The following LARGE1 variants were observed in gnomAD, a reference collection of about 807,000 sequenced individuals.
The protein encoded by LARGE1 is xylosyl- and glucuronyltransferase LARGE1.
A neutral mutation model predicts 87.6 loss-of-function variants in LARGE1; 43 were observed. The ratio of observed to expected loss-of-function variants is 0.49; its 90% confidence interval spans 0.38 to 0.63. The LOEUF (loss-of-function observed/expected upper bound fraction) is 0.63. Among genes scored for constraint, LARGE1 ranks in the 30% least tolerant of loss-of-function variants. The pLI, the probability that LARGE1 is intolerant of heterozygous loss-of-function variation, is 0.00. For missense variants in LARGE1, 802 were observed against 1,000.2 expected (o/e 0.80, Z 2.67); for synonymous variants, 434 against 394.6 (o/e 1.10, Z -1.18).
At chr22:33,375,424 G>T (rs2064959372) in intron 9 of LARGE1, among the ~76,000 whole-genome samples, 1 of 152,158 alleles carries the variant, frequency 6.6e-6, no homozygotes, top group Non-Finnish European at 1.5e-5. Flanking sequence ...CAGGTGGGCA[G>T]ACCCCTTGAG....
chr22:33,535,535 C>T (rs117900967), intron 6 of LARGE1, among the ~76,000 whole-genome samples: 1,697 of 149,452 alleles, frequency 0.011, 19 homozygotes, highest in Middle Eastern at 0.027. Context: ...GAGAGTAAAA[C>T]TCCAAAAACA....
At chr22:33,794,776 C>A (rs1170200081) in intron 1 of LARGE1, among the ~76,000 whole-genome samples, 2 of 152,124 alleles carry the variant, frequency 1.3e-5, no homozygotes, top group Non-Finnish European at 2.9e-5. Context: ...CGTGCCACCA[C>A]ACCCAGCTGA....
intron 11 of LARGE1, among the ~76,000 whole-genome samples, chr22:33,206,936 T>C (rs1466171789): frequency 6.6e-6 from 1 of 152,194 alleles, no homozygotes; most frequent in Non-Finnish European, 1.5e-5. Context: ...CAGTTTAAAA[T>C]TTTATTTTTA....
intron 10 of LARGE1, among the ~76,000 whole-genome samples, chr22:33,321,260 A>T (rs1268257457): frequency 1.3e-5 from 2 of 152,250 alleles, no homozygotes; most frequent in African/African-American, 4.8e-5. Flanking sequence ...ACCTATGTGG[A>T]TACTTTTTGT....
At chr22:33,121,426 A>G in the LARGE1 span, among the ~76,000 whole-genome samples, 4 of 152,356 alleles carry the variant, frequency 2.6e-5, no homozygotes, top group East Asian at 3.9e-4. Context: ...TTCTGTCCCA[A>G]TTCAAAGGCT....
At chr22:33,476,275 T>C (rs5998957) in intron 6 of LARGE1, among the ~76,000 whole-genome samples, 5,791 of 152,274 alleles carry the variant, frequency 0.038, 270 homozygotes, top group African/African-American at 0.11. Flanking sequence ...TGCAGATTCA[T>C]TGAGCCAGAC....
At chr22:33,918,155 AACCTT>A (rs2065841808) in intron 1 of LARGE1, among the ~76,000 whole-genome samples, 1 of 152,180 alleles carries the variant, frequency 6.6e-6, no homozygotes, top group Non-Finnish European at 1.5e-5. Context: ...AGATGAAAAA[AACCTT>A]TCATTTCATT....
intron 6 of LARGE1, among the ~76,000 whole-genome samples, chr22:33,518,053 G>A (rs2071396903): frequency 6.6e-6 from 1 of 152,200 alleles, no homozygotes; most frequent in African/African-American, 2.4e-5. Flanking sequence ...TCAAGGCAAT[G>A]GGAACCAGGA....
At chr22:33,702,224 T>C (rs889667189) in intron 2 of LARGE1, among the ~76,000 whole-genome samples, 2 of 152,174 alleles carry the variant, frequency 1.3e-5, no homozygotes, top group Non-Finnish European at 2.9e-5. Context: ...TGCAGACACA[T>C]AGTAGGCATT....
intron 5 of LARGE1, among the ~76,000 whole-genome samples, chr22:33,568,427 T>C (rs1268353623): frequency 1.3e-5 from 2 of 152,096 alleles, no homozygotes; most frequent in Non-Finnish European, 2.9e-5. Context: ...AACCGAGTCA[T>C]ACAGTTAACA....
chr22:33,878,980 CTT>C (rs761408359), intron 1 of LARGE1, among the ~76,000 whole-genome samples: 351 of 145,844 alleles, frequency 2.4e-3, no homozygotes, highest in Middle Eastern at 3.5e-3. Context: ...TCTTCTTCTT[CTT>C]CCTTTTTTTT....
At chr22:33,765,694 A>C (rs1403095206) in intron 1 of LARGE1, among the ~76,000 whole-genome samples, 1 of 139,846 alleles carries the variant, frequency 7.2e-6, no homozygotes, top group Non-Finnish European at 1.5e-5. Flanking sequence ...AACAAGAGCA[A>C]AACTCCATCT....
chr22:33,631,118 G>A (rs2080096726), intron 3 of LARGE1, among the ~76,000 whole-genome samples: 1 of 151,912 alleles, frequency 6.6e-6, no homozygotes, highest in South Asian at 2.1e-4. Flanking sequence ...CTCCCAAAGT[G>A]CTGGGATTAC....
chr22:33,836,310 T>C (rs1436663711), intron 1 of LARGE1, among the ~76,000 whole-genome samples: 2 of 152,152 alleles, frequency 1.3e-5, no homozygotes, highest in African/African-American at 4.8e-5. Flanking sequence ...AGACCACCAG[T>C]TGCAGAGTTA....
At chr22:33,390,950 G>A (rs1340177123) in intron 7 of LARGE1, among the ~76,000 whole-genome samples, 2 of 152,140 alleles carry the variant, frequency 1.3e-5, no homozygotes, top group Non-Finnish European at 2.9e-5. Context: ...GCCCACCTTG[G>A]CCTCCCAAAG....
intron 7 of LARGE1, among the ~76,000 whole-genome samples, chr22:33,388,891 A>AT (rs1295362715): frequency 6.6e-6 from 1 of 152,142 alleles, no homozygotes; most frequent in Admixed American, 6.5e-5. Flanking sequence ...TTTATTCAAC[A>AT]TATTAACTCA....
At chr22:33,400,761 G>C (rs576517573) in intron 7 of LARGE1, among the ~76,000 whole-genome samples, 2 of 152,310 alleles carry the variant, frequency 1.3e-5, no homozygotes, top group African/African-American at 4.8e-5. Flanking sequence ...AACTGAGTAT[G>C]CCTTCATTAT....
Position 33,414,111 on chromosome 22 carries a change from C to A in LARGE1, c.892+18050G>T. Among the ~76,000 whole-genome samples, 2 of 152,048 alleles carry A rather than the reference C, an allele frequency of 1.3e-5. 1 individual carries two copies. Among genetic ancestry groups the A allele is most frequent in the South Asian group, 4.2e-4 (2 of 4,806 alleles). ...TTCTATTTTTAATTTTTGGAGGAACCGCCATACTGTTTTCCATAGTGGCCG... is the reference window on the plus strand; with the variant it reads ...TTCTATTTTTAATTTTTGGAGGAACAGCCATACTGTTTTCCATAGTGGCCG... On this transcript the variant is annotated intron_variant, in intron 7 of 14. Transcript: ENST00000397394.
chr22:33,802,540 C>T (rs2086193136), intron 1 of LARGE1, among the ~76,000 whole-genome samples: 1 of 152,190 alleles, frequency 6.6e-6, no homozygotes, highest in African/African-American at 2.4e-5. Flanking sequence ...AGGTTTTCTT[C>T]CCCGTTCTGG....
Sources: gnomAD v4.1 joint callset for allele counts (sites outside exome capture counted in the v4.1 genomes callset) on GRCh38, gnomAD v4.1.1 for gene constraint, MANE v1.5 for transcripts, NCBI Gene and HGNC (gene_info 2026-07-23, HGNC 2026-07-21) for gene names.